The following FOXP1 variants were observed in gnomAD, a reference collection of about 807,000 sequenced individuals.
FOXP1 encodes forkhead box protein P1.
In FOXP1, 15 loss-of-function variants were observed where a neutral mutation model predicts 98.2. The ratio of observed to expected loss-of-function variants is 0.15; its 90% confidence interval spans 0.10 to 0.24. The LOEUF (loss-of-function observed/expected upper bound fraction) is 0.24. Ranked by LOEUF, FOXP1 falls within the 10% of genes least tolerant of loss-of-function variation. The pLI is 1.00. For missense variants in FOXP1, 633 were observed against 848.5 expected (o/e 0.75, Z 3.15); for synonymous variants, 371 against 314.5 (o/e 1.18, Z -1.90).
In FOXP1 at chr3:71,221,810, C is replaced by T. The variant is rs576986599; in HGVS notation, c.-11-23418G>A. On this transcript the variant is annotated intron_variant, in intron 5 of 20. Transcript: ENST00000649528. ...CTTACTTACAACTCTGCGTTGCAGA[C>T]TCAATGCTTATGGCTAGGACAGTAG... Among the ~76,000 whole-genome samples, 33 of 152,340 alleles carry T rather than the reference C, an allele frequency of 2.2e-4. No homozygotes were observed. The Middle Eastern group carries it at 0.017, about 79-fold the overall frequency.
intron 4 of FOXP1, among the ~76,000 whole-genome samples, chr3:71,331,309 C>T (rs1218408536): frequency 6.6e-6 from 1 of 152,200 alleles, no homozygotes; most frequent in Non-Finnish European, 1.5e-5. Flanking sequence ...CTCCCTGGGC[C>T]TTAGCTGCCT....
At chr3:70,969,607 C>T (rs2035752647) in intron 19 of FOXP1, 1 of 152,220 alleles carries the variant, frequency 6.6e-6, no homozygotes, top group East Asian at 1.9e-4. Context: ...ATCCTGTTCC[C>T]ATCATACTAA....
intron 5 of FOXP1, among the ~76,000 whole-genome samples, chr3:71,268,925 CA>C (rs2070030847): frequency 6.6e-6 from 1 of 152,124 alleles, no homozygotes; most frequent in Admixed American, 6.5e-5. Context: ...CAGCCTGTAT[CA>C]TTACTTCTTT....
chr3:71,286,239 C>T (rs1214987040), intron 5 of FOXP1, among the ~76,000 whole-genome samples: 1 of 152,006 alleles, frequency 6.6e-6, no homozygotes, highest in Non-Finnish European at 1.5e-5. Context: ...CATGACTGTA[C>T]TTCATTGATT....
intron 13 of FOXP1, among the ~76,000 whole-genome samples, chr3:70,991,337 A>G (rs1409212237): frequency 6.6e-6 from 1 of 152,152 alleles, no homozygotes; most frequent in Non-Finnish European, 1.5e-5. Flanking sequence ...CTCCTCTTCT[A>G]TTAGCCATGG....
chr3:71,513,102 A>G (rs2042316312), intron 2 of FOXP1, among the ~76,000 whole-genome samples: 1 of 151,834 alleles, frequency 6.6e-6, no homozygotes, highest in East Asian at 1.9e-4. Flanking sequence ...TCTTTCCTTA[A>G]CTCCAGATGT....
chr3:71,477,897 C>T (rs1432511288), intron 3 of FOXP1, among the ~76,000 whole-genome samples: 1 of 152,158 alleles, frequency 6.6e-6, no homozygotes, highest in African/African-American at 2.4e-5. Flanking sequence ...ACAGTTTATA[C>T]AAGACAAGAA....
intron 3 of FOXP1, among the ~76,000 whole-genome samples, chr3:71,459,991 T>C (rs1023759386): frequency 2.0e-5 from 3 of 151,376 alleles, no homozygotes; most frequent in Non-Finnish European, 2.9e-5. Context: ...TGGAGTGCAG[T>C]GGCGCGATCT....
At chr3:71,126,483 T>C (rs1010597397) in intron 6 of FOXP1, among the ~76,000 whole-genome samples, 5 of 151,736 alleles carry the variant, frequency 3.3e-5, no homozygotes, top group African/African-American at 1.2e-4. Context: ...AGTGAGACTC[T>C]GTCTCAAAAA....
chr3:71,447,578 G>C (rs986837127), intron 3 of FOXP1, among the ~76,000 whole-genome samples: 3 of 152,166 alleles, frequency 2.0e-5, no homozygotes, highest in African/African-American at 7.2e-5. Flanking sequence ...CCAGTTACCA[G>C]ACAGAAACTG....
At chr3:71,571,795 T>C (rs1319151856) in intron 2 of FOXP1, 3 of 152,210 alleles carry the variant, frequency 2.0e-5, no homozygotes, top group African/African-American at 7.2e-5. Flanking sequence ...ACTGATAACT[T>C]TCCCCGATTA....
intron 6 of FOXP1, among the ~76,000 whole-genome samples, chr3:71,165,258 A>C (rs1240740651): frequency 6.6e-6 from 1 of 151,722 alleles, no homozygotes; most frequent in East Asian, 1.9e-4. Context: ...AAAAAAAAAA[A>C]AAAAAAAAAT....
At chr3:70,994,132 T>C (rs2041031471) in intron 13 of FOXP1, among the ~76,000 whole-genome samples, 3 of 151,858 alleles carry the variant, frequency 2.0e-5, no homozygotes, top group Non-Finnish European at 4.4e-5. Context: ...ATAAGGCACC[T>C]AGGACAGTGC....
chr3:71,284,794 T>C (rs183592470), intron 5 of FOXP1, among the ~76,000 whole-genome samples: 37 of 152,128 alleles, frequency 2.4e-4, no homozygotes, highest in African/African-American at 8.2e-4. Flanking sequence ...ACAAATACCA[T>C]ATACTGTATG....
chr3:70,973,624 AAACTTAC>A lies in FOXP1; in HGVS notation c.1531-955_1531-949del, dbSNP rs546135257. 1.8e-4 allele frequency among the ~76,000 whole-genome samples: 27 copies of A among 152,302 alleles called. No individual in the cohort carries two copies. In the East Asian group the frequency reaches 4.8e-3, roughly 27 times the overall value. On this transcript the variant is annotated intron_variant, in intron 17 of 20. Coordinates refer to ENST00000649528, the MANE Select transcript of FOXP1 (RefSeq NM_001349338.3). ...TTCATTTCTTTAGTCCCGCCTGGTT[AAACTTAC>A]GGATCCAGACTCAACGCTGGACATG...
At chr3:71,023,910 G>A (rs189512122) in intron 11 of FOXP1, among the ~76,000 whole-genome samples, 5 of 152,244 alleles carry the variant, frequency 3.3e-5, no homozygotes, top group East Asian at 1.9e-4. Context: ...AAACTTGATC[G>A]CAACGACCTT....
At chr3:71,493,689 A>T (rs980855374) in intron 2 of FOXP1, 134 bp from the exon 3 acceptor site, 3 of 152,232 alleles carry the variant, frequency 2.0e-5, no homozygotes, top group African/African-American at 4.8e-5. Flanking sequence ...GTATGTCAAT[A>T]CATCAAGTGT....
intron 5 of FOXP1, among the ~76,000 whole-genome samples, chr3:71,260,317 C>CG (rs931929448): frequency 1.3e-5 from 2 of 151,908 alleles, no homozygotes; most frequent in Admixed American, 6.5e-5. Context: ...GCTCGGGGCG[C>CG]GGGGGGAGAA....
chr3:70,977,948 G>A lies in FOXP1; in HGVS notation c.1228C>T (p.Pro410Ser). ...PQSLPHTPTT[P>S]TAPLTPVTQG... ...GTGACGGGAGTCAGGGGGGCGGTTG[G>A]GGTCGTTGGAGTATGAGGTAAGCTC... The change falls in exon 15 of 21, where the codon CCA becomes TCA. Residue 410 changes from proline (P) to serine (S), a missense_variant. This residue lies in a region of FOXP1 where 141 missense variants were observed against 199.5 expected (regional missense o/e 0.71). Coordinates refer to ENST00000649528, the MANE Select transcript of FOXP1 (RefSeq NM_001349338.3). 1.9e-6 allele frequency: 3 copies of A among 1,614,152 alleles called. No individual in the cohort carries two copies. The highest frequency in any genetic ancestry group is 1.7e-6 in the Non-Finnish European group (2 of 1,180,022).
Sources: allele counts gnomAD v4.1 joint callset (sites outside exome capture counted in the v4.1 genomes callset), GRCh38; gene constraint gnomAD v4.1.1; regional missense constraint gnomAD v4.1.1; transcripts MANE v1.5; gene names NCBI Gene and HGNC (gene_info 2026-07-23, HGNC 2026-07-21).